PTBP3: variants seen among roughly 807,000 people sequenced by gnomAD.
The protein encoded by PTBP3 is polypyrimidine tract-binding protein 3.
A neutral mutation model predicts 58.7 loss-of-function variants in PTBP3; 20 were observed. The observed-to-expected ratio is 0.34, with a 90% confidence interval of 0.24 to 0.50. PTBP3 has a LOEUF of 0.50. PTBP3 is among the 20% of genes least tolerant of loss of function. The pLI, the probability that PTBP3 is intolerant of heterozygous loss-of-function variation, is 0.98. For missense variants in PTBP3, 509 were observed against 637.2 expected (o/e 0.80, Z 2.17); for synonymous variants, 185 against 219.8 (o/e 0.84, Z 1.40).
At chr9:112,318,935 C>T (rs971675216) in intron 1 of PTBP3, among the ~76,000 whole-genome samples, 2 of 151,918 alleles carry the variant, frequency 1.3e-5, no homozygotes, top group Admixed American at 1.3e-4. Context: ...CAAGACCAGC[C>T]TGACCAACAT....
the PTBP3 span, among the ~76,000 whole-genome samples, chr9:112,363,516 T>TCTCACA: frequency 3.7e-5 from 5 of 134,776 alleles, no homozygotes; most frequent in African/African-American, 1.4e-4. Flanking sequence ...AGCAAAACTG[T>TCTCACA]CACACACACA....
intron 1 of PTBP3, among the ~76,000 whole-genome samples, chr9:112,305,115 T>C (rs1176975086): frequency 6.6e-6 from 1 of 152,214 alleles, no homozygotes; most frequent in Non-Finnish European, 1.5e-5. Flanking sequence ...CAAATACTGT[T>C]AAAATTAGCA....
chr9:112,376,885 C>T, the PTBP3 span, among the ~76,000 whole-genome samples: 10 of 152,202 alleles, frequency 6.6e-5, no homozygotes, highest in Admixed American at 5.9e-4. Context: ...ACTTTGCATC[C>T]TTCAATACCA....
Position 112,221,546 on chromosome 9 carries a change from G to C in PTBP3, c.*2305C>G. 1.0e-6 allele frequency: 1 copy of C among 985,426 alleles called. No individual in the cohort carries two copies. Among genetic ancestry groups the C allele is most frequent in the Non-Finnish European group, 1.2e-6 (1 of 829,858 alleles). 61.0% of individuals were successfully genotyped at this position (985,426 alleles called of 1,614,324 possible). A position where few individuals can be genotyped will look rare whatever the true frequency, so the allele number is the denominator to read the frequency against. On this transcript the variant is annotated 3_prime_UTR_variant, in exon 14 of 14. Transcript: ENST00000374257. ...AATTATAATAGTGCCTGTGTGGAAG[G>C]GAAAAAAAAGCAAGTTTTGGGAGAT...
the PTBP3 span, among the ~76,000 whole-genome samples, chr9:112,362,186 A>G: frequency 6.6e-6 from 1 of 152,234 alleles, no homozygotes; most frequent in East Asian, 1.9e-4. Context: ...AAAAAGTATG[A>G]GTCTGTAGTC....
chr9:112,377,818 T>C, the PTBP3 span, among the ~76,000 whole-genome samples: 1 of 152,236 alleles, frequency 6.6e-6, no homozygotes, highest in African/African-American at 2.4e-5. Flanking sequence ...CCCAGGACTT[T>C]ACACCAGAAA....
At chr9:112,277,760 C>T (rs1384240016) in intron 2 of PTBP3, among the ~76,000 whole-genome samples, 2 of 151,886 alleles carry the variant, frequency 1.3e-5, no homozygotes, top group Non-Finnish European at 2.9e-5. Flanking sequence ...GCCTGTAATC[C>T]AGCTACTTGG....
At chr9:112,322,341 C>T (rs555922983) in intron 1 of PTBP3, among the ~76,000 whole-genome samples, 32 of 151,988 alleles carry the variant, frequency 2.1e-4, no homozygotes, top group Non-Finnish European at 4.1e-4. Flanking sequence ...CCTGGCCTAC[C>T]TAAGGGGGAA....
the PTBP3 span, among the ~76,000 whole-genome samples, chr9:112,360,038 T>C: frequency 2.0e-5 from 3 of 152,190 alleles, no homozygotes; most frequent in Admixed American, 6.6e-5. Context: ...TATATAGACA[T>C]TAAAATGCAA....
chr9:112,331,646 G>C (rs993919697), intron 1 of PTBP3, among the ~76,000 whole-genome samples: 2 of 152,280 alleles, frequency 1.3e-5, no homozygotes, highest in Non-Finnish European at 2.9e-5. Flanking sequence ...TATGGTTATT[G>C]GTTCTGATAC....
the PTBP3 span, among the ~76,000 whole-genome samples, chr9:112,377,089 C>A: frequency 6.6e-6 from 1 of 152,174 alleles, no homozygotes; most frequent in Admixed American, 6.5e-5. Flanking sequence ...TGGCCATGGC[C>A]AACTAATTTA....
the PTBP3 span, among the ~76,000 whole-genome samples, chr9:112,365,201 C>A: frequency 6.6e-6 from 1 of 152,062 alleles, no homozygotes; most frequent in Admixed American, 6.6e-5. Flanking sequence ...TCTATCTATA[C>A]ATATGTCACA....
rs62569157 is a variant in PTBP3, at chr9:112,248,043, C to T, written c.802+2886G>A. ...AACAGATACCCAGAAGTTCTTTGTA[C>T]TACTCTTGCAACTTAATTTCAGACA... is the stretch of plus-strand genomic sequence containing the variant. On this transcript the variant is annotated intron_variant, in intron 7 of 13. Coordinates refer to ENST00000374257, the MANE Select transcript of PTBP3 (RefSeq NM_001163788.4). 8.0e-3 allele frequency among the ~76,000 whole-genome samples: 1,222 copies of T among 152,224 alleles called. 7 individuals carry two copies. Among genetic ancestry groups the T allele is most frequent in the Non-Finnish European group, 0.013 (909 of 67,980 alleles).
the PTBP3 span, among the ~76,000 whole-genome samples, chr9:112,367,102 A>T: frequency 1.3e-5 from 2 of 152,242 alleles, no homozygotes; most frequent in African/African-American, 4.8e-5. Context: ...CTTAACTTTC[A>T]TCACAAGAAC....
chr9:112,330,249 T>TATA (rs1830314450), intron 1 of PTBP3, among the ~76,000 whole-genome samples: 1 of 152,226 alleles, frequency 6.6e-6, no homozygotes, highest in Non-Finnish European at 1.5e-5. Context: ...GTTCACATTT[T>TATA]ATACACATAA....
At chr9:112,309,455 C>G (rs555201407) in intron 1 of PTBP3, among the ~76,000 whole-genome samples, 90 of 152,194 alleles carry the variant, frequency 5.9e-4, no homozygotes, top group African/African-American at 2.0e-3. Flanking sequence ...TACAATGTTT[C>G]ATATATAATC....
At chr9:112,234,673 C>T in intron 8 of PTBP3, 147 bp downstream of exon 8, 1 of 651,732 alleles carries the variant, frequency 1.5e-6, no homozygotes, top group South Asian at 2.2e-5. Flanking sequence ...AGCTATATAT[C>T]ATACAAATCA....
chr9:112,343,774 G>A, the PTBP3 span, among the ~76,000 whole-genome samples: 3 of 138,528 alleles, frequency 2.2e-5, no homozygotes, highest in Non-Finnish European at 4.6e-5. Flanking sequence ...CTGGGCAACA[G>A]AGCAAGACTC....
chr9:112,340,538 T>C, the PTBP3 span, among the ~76,000 whole-genome samples: 6 of 152,380 alleles, frequency 3.9e-5, no homozygotes, highest in South Asian at 1.2e-3. Flanking sequence ...TTTCATTTGT[T>C]CTGCCAGCTT....
Sources: gnomAD v4.1 joint callset for allele counts (sites outside exome capture counted in the v4.1 genomes callset) on GRCh38, gnomAD v4.1.1 for gene constraint, MANE v1.5 for transcripts, NCBI Gene and HGNC (gene_info 2026-07-23, HGNC 2026-07-21) for gene names.